The following KMT2A variants were observed in gnomAD, a reference collection of about 807,000 sequenced individuals.
The protein encoded by KMT2A is lysine methyltransferase 2A.
In KMT2A, 16 loss-of-function variants were observed where a neutral mutation model predicts 345.3. The ratio of observed to expected loss-of-function variants is 0.05; its 90% CI spans 0.03 to 0.07. The LOEUF is 0.07. Ranked by LOEUF, KMT2A falls within the 10% of genes least tolerant of loss-of-function variation. The probability of loss-of-function intolerance (pLI) is 1.00; values close to 1 mark genes in which losing one functional copy is unlikely to be tolerated. For missense variants in KMT2A, 3,272 were observed against 4,841.6 expected (o/e 0.68, Z 9.62); for synonymous variants, 1,599 against 1,778.6 (o/e 0.90, Z 2.54).
At chr11:118,447,778 A>C in intron 1 of KMT2A, 1 of 299,966 alleles carries the variant, frequency 3.3e-6, no homozygotes, top group South Asian at 2.7e-5. Context: ...ACATGAATGG[A>C]TCCATTATTA....
rs190236402 is a variant in KMT2A at position 118,522,964 on chromosome 11, C to A, written c.*792C>A. 1 of 225,170 alleles carries A rather than the reference C, an allele frequency of 4.4e-6. No individual in the cohort carries two copies. The highest frequency in any genetic ancestry group is 6.4e-5 in the East Asian group (1 of 15,560). The allele number at this position is 225,170 out of a possible 1,614,324, so 13.9% of individuals were successfully genotyped here. On this transcript the variant is annotated 3_prime_UTR_variant, in exon 36 of 36. Coordinates refer to ENST00000534358, the MANE Select transcript of KMT2A (RefSeq NM_001197104.2). The surrounding 1 kb of genome is among the most constrained non-coding windows in gnomAD (Gnocchi z 5.4). ...TTCGGGTTGTAGGGGAGACTGACTG[C>A]CTGCTCAAGGACACTCCCTGCTGGG...
rs958499852 is a variant in KMT2A at position 118,488,674 on chromosome 11, C to T, written c.4393C>T (p.Arg1465Cys). The change falls in exon 11 of 36, where the codon CGC (arginine) becomes TGC (cysteine). Residue 1465 changes from arginine to cysteine, a missense_variant. Coordinates refer to ENST00000534358, the MANE Select transcript of KMT2A (RefSeq NM_001197104.2). ...CAAGTTTTGTTTAGAGGAGAACGAG[C>T]GCCCTCTGGAGGACCAGCTGGAAAA... Reference protein sequence around the residue: ...FHKFCLEENERPLEDQLENWC... With the variant: ...FHKFCLEENECPLEDQLENWC... 3.7e-6 allele frequency: 6 copies of T among 1,613,972 alleles called. No homozygotes were observed. Among genetic ancestry groups the T allele is most frequent in the African/African-American group, 1.3e-5 (1 of 74,912 alleles).
chr11:118,485,001 C>A (rs2134314311), intron 10 of KMT2A, 26 bp downstream of exon 10: 2 of 1,301,860 alleles, frequency 1.5e-6, no homozygotes, highest in South Asian at 1.2e-5. Flanking sequence ...TCTTTGTACC[C>A]CAGGAAGTAC....
intron 1 of KMT2A, among the ~76,000 whole-genome samples, chr11:118,455,392 T>C (rs1555030489): frequency 6.6e-6 from 1 of 152,180 alleles, no homozygotes; most frequent in African/African-American, 2.4e-5. Flanking sequence ...CTGGTCCCCC[T>C]TTTTTAAGTC....
In KMT2A at chr11:118,522,980, C is replaced by G. The variant is rs1951003950; in HGVS notation, c.*808C>G. 4.5e-6 allele frequency: 1 copy of G among 224,040 alleles called. No individual in the cohort carries two copies. The highest frequency in any genetic ancestry group is 2.2e-5 in the African/African-American group (1 of 44,760). The allele number at this position is 224,040 out of a possible 1,614,324, so 13.9% of individuals were successfully genotyped here. On this transcript the variant is annotated 3_prime_UTR_variant, in exon 36 of 36. Coordinates refer to ENST00000534358, the MANE Select transcript of KMT2A (RefSeq NM_001197104.2). This position sits in a 1 kb window ranked among gnomAD's most constrained non-coding sequence, Gnocchi z 5.4. ...GACTGACTGCCTGCTCAAGGACACT[C>G]CCTGCTGGGCATAGGATGTGCCTGC...
At chr11:118,463,367 A>C (rs1555033298) in intron 1 of KMT2A, among the ~76,000 whole-genome samples, 1 of 152,218 alleles carries the variant, frequency 6.6e-6, no homozygotes, top group African/African-American at 2.4e-5. Context: ...TTGGAACATA[A>C]AATGCGTGTA....
In KMT2A at chr11:118,499,560, G is replaced by A. The variant is rs1470279029; in HGVS notation, c.6079+140G>A. 3.7e-5 allele frequency: 26 copies of A among 700,716 alleles called. 1 individual carries two copies. The Admixed American group carries it at 5.2e-4, about 14-fold the overall frequency. The allele number at this position is 700,716 out of a possible 1,614,324, so 43.4% of individuals were successfully genotyped here. A position where few individuals can be genotyped will look rare whatever the true frequency, so the allele number is the denominator to read the frequency against. The stretch of plus-strand genomic sequence containing the variant: ...GCACTTTGGGAGGCTGAGGCGGGCA[G>A]ATCACTGGAGGTTCAGGAGTTGGAG... On this transcript the variant is annotated intron_variant, in intron 23 of 35. Coordinates refer to ENST00000534358, the MANE Select transcript of KMT2A (RefSeq NM_001197104.2).
intron 1 of KMT2A, among the ~76,000 whole-genome samples, chr11:118,453,055 T>A (rs1431840922): frequency 6.6e-6 from 1 of 152,120 alleles, no homozygotes; most frequent in Non-Finnish European, 1.5e-5. Context: ...AATTTCTCTC[T>A]CACAACTAGA....
Position 118,523,264 on chromosome 11 carries a change from C to T in KMT2A, c.*1092C>T. On this transcript the variant is annotated 3_prime_UTR_variant, in exon 36 of 36. Coordinates refer to ENST00000534358, the MANE Select transcript of KMT2A (RefSeq NM_001197104.2). ...TTACTTTATTTTCCCCTTGTTAAGA[C>T]ATAGGAAGACTTAATTTTTAAACGG... 1 of 228,934 alleles carries T rather than the reference C, an allele frequency of 4.4e-6. No homozygotes were observed. The highest frequency in any genetic ancestry group is 8.7e-6 in the Non-Finnish European group (1 of 115,198). The allele number at this position is 228,934 out of a possible 1,614,324, so 14.2% of individuals were successfully genotyped here.
In KMT2A at chr11:118,502,299, TATAA is replaced by T. The variant is rs1292139381; in HGVS notation, c.6506-95_6506-92del. The T allele has an allele frequency of 1.7e-5, 11 of 648,804 alleles. No homozygotes were observed. The highest frequency in any genetic ancestry group is 2.4e-5 in the Non-Finnish European group (10 of 419,414). 40.2% of individuals were successfully genotyped at this position (648,804 alleles called of 1,614,324 possible). A position where few individuals can be genotyped will look rare whatever the true frequency, so the allele number is the denominator to read the frequency against. On this transcript the variant is annotated intron_variant, in intron 26 of 35. Coordinates refer to ENST00000534358, the MANE Select transcript of KMT2A (RefSeq NM_001197104.2). This position sits in a 1 kb window ranked among gnomAD's most constrained non-coding sequence, Gnocchi z 4.9. Reference sequence around the variant, plus strand: ...TAGAAAATGTAGATTTCCAGTTACCTATAAATATATATATATATAGTCAAATCAT... The same window carrying T: ...TAGAAAATGTAGATTTCCAGTTACCTATATATATATATATAGTCAAATCAT...
At chr11:118,446,210 G>A (rs1457376995) in intron 1 of KMT2A, among the ~76,000 whole-genome samples, 2 of 151,592 alleles carry the variant, frequency 1.3e-5, no homozygotes, top group African/African-American at 4.9e-5. Context: ...TTAGCTACAT[G>A]TCGTGGTGCA....
Position 118,496,508 on chromosome 11 carries a change from A to G in KMT2A, c.5664+141A>G. 1 of 502,300 alleles carries G rather than the reference A, an allele frequency of 2.0e-6. No individual in the cohort carries two copies. Among genetic ancestry groups the G allele is most frequent in the Non-Finnish European group, 3.5e-6 (1 of 282,752 alleles). 31.1% of individuals were successfully genotyped at this position (502,300 alleles called of 1,614,324 possible). A position where few individuals can be genotyped will look rare whatever the true frequency, so the allele number is the denominator to read the frequency against. The stretch of plus-strand genomic sequence containing the variant: ...ACTAATTTATAACTTTTATTTACCT[A>G]TAACTTATAACTTATTAATTTGTAA... On this transcript the variant is annotated intron_variant, in intron 20 of 35. Coordinates refer to ENST00000534358, the MANE Select transcript of KMT2A (RefSeq NM_001197104.2). This position sits in a 1 kb window ranked among gnomAD's most constrained non-coding sequence, Gnocchi z 4.7.
intron 4 of KMT2A, 95 bp downstream of exon 4, chr11:118,477,077 G>T: frequency 8.4e-7 from 1 of 1,186,014 alleles, no homozygotes; most frequent in Non-Finnish European, 1.2e-6. Flanking sequence ...ATAGTTAGTA[G>T]GTCCTCTGAA....
rs1368805782 is a variant in KMT2A, at chr11:118,494,491, T to C, written c.5289+93T>C. On this transcript the variant is annotated intron_variant, in intron 17 of 35. Transcript: ENST00000534358. The surrounding 1 kb of genome is among the most constrained non-coding windows in gnomAD (Gnocchi z 5.8). ...ACTTGTTCTCTTCTACTTTTTGCTT[T>C]GTGGTGTGTATAAAACATCTTTGGT... 5.8e-6 allele frequency: 5 copies of C among 867,642 alleles called. No individual in the cohort carries two copies. Among genetic ancestry groups the C allele is most frequent in the Non-Finnish European group, 7.4e-6 (4 of 536,962 alleles). 53.7% of individuals were successfully genotyped at this position (867,642 alleles called of 1,614,324 possible).
rs144271443 is a variant in KMT2A, at chr11:118,502,590, C to T, written c.6698C>T (p.Thr2233Ile). ...SRNNVSSVST[T>I]GTATDLESSA... Reference sequence around the variant, plus strand: ...AATAATGTTTCCTCAGTCTCCACCACCGGGACCGCTACTGATCTTGAATCA... The same window carrying T: ...AATAATGTTTCCTCAGTCTCCACCATCGGGACCGCTACTGATCTTGAATCA... Residue 2233 changes from threonine (T) to isoleucine (I), a missense_variant, in exon 27 of 36, where the codon ACC (threonine) becomes ATC (isoleucine). This residue lies in a region of KMT2A where 445 missense variants were observed against 500.9 expected (regional missense o/e 0.89). Coordinates refer to ENST00000534358, the MANE Select transcript of KMT2A (RefSeq NM_001197104.2). This position sits in a 1 kb window ranked among gnomAD's most constrained non-coding sequence, Gnocchi z 4.9. 3.6e-4 allele frequency: 581 copies of T among 1,614,176 alleles called. 4 individuals carry two copies. The African/African-American group carries it at 6.9e-3, about 19-fold the overall frequency.
intron 5 of KMT2A, among the ~76,000 whole-genome samples, chr11:118,478,704 C>A (rs797030673): frequency 1.7e-4 from 26 of 152,226 alleles, no homozygotes; most frequent in African/African-American, 5.8e-4. Context: ...TTGGAGATAC[C>A]TTGCATAAAT....
chr11:118,506,878 CT>C (rs1455531611), intron 27 of KMT2A, among the ~76,000 whole-genome samples: 2 of 152,164 alleles, frequency 1.3e-5, no homozygotes, highest in Non-Finnish European at 2.9e-5. Context: ...ACTTTTTGCT[CT>C]GATTTCAAAC....
At position 118,521,441 on chromosome 11, in the gene KMT2A, A is replaced by G; in HGVS notation, c.11643+24A>G. On this transcript the variant is annotated intron_variant, in intron 35 of 35. Coordinates refer to ENST00000534358, the MANE Select transcript of KMT2A (RefSeq NM_001197104.2). This position sits in a 1 kb window ranked among gnomAD's most constrained non-coding sequence, Gnocchi z 5.3. ...AGGTAAGTCTCCCACTTGCACTCAC[A>G]CAGTTCTTTTGTTTTGCTGTAGAAA... is the stretch of plus-strand genomic sequence containing the variant. The G allele has an allele frequency of 1.2e-6, 2 of 1,612,664 alleles. No individual in the cohort carries two copies. Among genetic ancestry groups the G allele is most frequent in the East Asian group, 2.2e-5 (1 of 44,814 alleles).
intron 31 of KMT2A, 186 bp downstream of exon 31, chr11:118,512,211 T>C (rs1449376549): frequency 1.7e-5 from 10 of 603,380 alleles, no homozygotes; most frequent in Non-Finnish European, 2.6e-5. Context: ...TTTTAATATA[T>C]TCAGAGTTGT....
Sources: allele counts gnomAD v4.1 joint callset (sites outside exome capture counted in the v4.1 genomes callset), GRCh38; gene constraint gnomAD v4.1.1; regional missense constraint gnomAD v4.1.1; non-coding constraint Gnocchi (gnomAD v3.1); transcripts MANE v1.5; gene names NCBI Gene and HGNC (gene_info 2026-07-23, HGNC 2026-07-21).